Variants in ASIC2 observed in about 807,000 individuals in gnomAD.
ASIC2 encodes the protein acid sensing ion channel subunit 2, also known as acid-sensing ion channel 2.
A neutral mutation model predicts 57.3 loss-of-function variants in ASIC2; 25 were observed. The observed-to-expected ratio is 0.44, with a 90% CI of 0.32 to 0.61. The LOEUF (loss-of-function observed/expected upper bound fraction) is 0.61, where lower values mean the gene tolerates loss of function less well. Among genes scored for constraint, ASIC2 ranks in the 20% least tolerant of loss-of-function variants. The pLI is 0.06. For missense variants in ASIC2, 641 were observed against 738.1 expected, an observed-to-expected ratio of 0.87 and a Z score of 1.52; for synonymous variants, 319 against 307.5, an observed-to-expected ratio of 1.04 and a Z score of -0.39.
chr17:33,900,045 C>T (rs1915197266), intron 1 of ASIC2, among the ~76,000 whole-genome samples: 1 of 152,230 alleles, frequency 6.6e-6, no homozygotes, highest in Non-Finnish European at 1.5e-5. Context: ...AATGCTATCC[C>T]TTTCTCCATG....
intron 1 of ASIC2, among the ~76,000 whole-genome samples, chr17:33,220,078 A>C (rs1164043235): frequency 6.6e-6 from 1 of 152,204 alleles, no homozygotes; most frequent in African/African-American, 2.4e-5. Context: ...AACGTCTAAC[A>C]GTCCTGCTAA....
chr17:34,138,753 A>G (rs1388306429), intron 1 of ASIC2, among the ~76,000 whole-genome samples: 1 of 152,114 alleles, frequency 6.6e-6, no homozygotes, highest in East Asian at 1.9e-4. Context: ...GAGTCCTACC[A>G]ACCTTCGCTC....
intron 1 of ASIC2, among the ~76,000 whole-genome samples, chr17:33,804,076 A>G (rs924783005): frequency 2.6e-5 from 4 of 152,172 alleles, no homozygotes; most frequent in East Asian, 1.9e-4. Flanking sequence ...ACCTTTCCCT[A>G]TTTGAACACC....
intron 1 of ASIC2, among the ~76,000 whole-genome samples, chr17:33,309,672 C>A (rs2142203244): frequency 6.6e-6 from 1 of 152,170 alleles, no homozygotes. Flanking sequence ...GCAATACTGT[C>A]CACAAAGCTG....
At chr17:33,101,993 G>A (rs746068815) in intron 2 of ASIC2, among the ~76,000 whole-genome samples, 6 of 151,970 alleles carry the variant, frequency 3.9e-5, no homozygotes, top group Admixed American at 1.3e-4. Context: ...GACCCACAAG[G>A]GCCATCCCTT....
chr17:33,963,409 G>T (rs553516103), intron 1 of ASIC2, among the ~76,000 whole-genome samples: 7 of 152,260 alleles, frequency 4.6e-5, no homozygotes, highest in African/African-American at 1.7e-4. Flanking sequence ...CAGAGTAGGT[G>T]CTGATAATAT....
chr17:33,939,331 C>T (rs1267040789), intron 1 of ASIC2, among the ~76,000 whole-genome samples: 1 of 152,242 alleles, frequency 6.6e-6, no homozygotes, highest in Non-Finnish European at 1.5e-5. Context: ...CAAGGCAGTA[C>T]TGCCCATTGG....
chr17:33,602,446 A>G (rs1481318033), intron 1 of ASIC2, among the ~76,000 whole-genome samples: 1 of 152,168 alleles, frequency 6.6e-6, no homozygotes, highest in East Asian at 1.9e-4. Context: ...CATCCATGTG[A>G]TGCCTTCCAC....
At chr17:33,644,093 T>A (rs1342047744) in intron 1 of ASIC2, among the ~76,000 whole-genome samples, 3 of 152,224 alleles carry the variant, frequency 2.0e-5, no homozygotes, top group African/African-American at 7.2e-5. Context: ...CATGGCCAAG[T>A]CACCCTCTTG....
intron 1 of ASIC2, among the ~76,000 whole-genome samples, chr17:33,993,295 C>T (rs1381761087): frequency 2.0e-5 from 3 of 152,134 alleles, no homozygotes; most frequent in Non-Finnish European, 4.4e-5. Flanking sequence ...GTTTTTTTGG[C>T]ACATGTCCAG....
chr17:34,010,660 C>G (rs1483090302), intron 1 of ASIC2, among the ~76,000 whole-genome samples: 1 of 152,000 alleles, frequency 6.6e-6, no homozygotes, highest in Non-Finnish European at 1.5e-5. Flanking sequence ...AACAGACACC[C>G]ACCCACACAC....
intron 1 of ASIC2, among the ~76,000 whole-genome samples, chr17:33,906,773 T>G (rs1318447134): frequency 6.6e-6 from 1 of 152,186 alleles, no homozygotes; most frequent in African/African-American, 2.4e-5. Flanking sequence ...CTGACATCAG[T>G]TCTGTGGCTT....
intron 1 of ASIC2, among the ~76,000 whole-genome samples, chr17:33,575,680 T>C (rs933924973): frequency 2.0e-5 from 3 of 152,200 alleles, no homozygotes; most frequent in Non-Finnish European, 4.4e-5. Flanking sequence ...TCACAGGATA[T>C]GAATGGGGCT....
At chr17:34,110,412 C>G (rs533795811) in intron 1 of ASIC2, among the ~76,000 whole-genome samples, 2 of 152,320 alleles carry the variant, frequency 1.3e-5, no homozygotes, top group African/African-American at 4.8e-5. Flanking sequence ...TCTTCCTCGC[C>G]CTCTCTCTGC....
At chr17:33,456,411 TC>T (rs1567618480) in intron 1 of ASIC2, among the ~76,000 whole-genome samples, 1 of 151,782 alleles carries the variant, frequency 6.6e-6, no homozygotes, top group Non-Finnish European at 1.5e-5. Flanking sequence ...ACTATCCCCA[TC>T]CCCCCTTCAG....
At chr17:33,781,452 A>G (rs1911451480) in intron 1 of ASIC2, among the ~76,000 whole-genome samples, 1 of 152,142 alleles carries the variant, frequency 6.6e-6, no homozygotes, top group Non-Finnish European at 1.5e-5. Flanking sequence ...AGTGGGTGGG[A>G]TTGGGAGGCA....
intron 2 of ASIC2, among the ~76,000 whole-genome samples, chr17:33,097,392 G>A (rs2092186584): frequency 1.3e-5 from 2 of 152,184 alleles, no homozygotes; most frequent in Admixed American, 1.3e-4. Flanking sequence ...TCATTTTTCA[G>A]ATGAAGAAAC....
intron 1 of ASIC2, among the ~76,000 whole-genome samples, chr17:33,639,983 G>A (rs762945532): frequency 3.3e-5 from 5 of 152,092 alleles, no homozygotes; most frequent in Non-Finnish European, 7.3e-5. Context: ...ACTGTAACAG[G>A]GACAAGGATT....
chr17:33,871,243 C>T (rs1275761543), intron 1 of ASIC2, among the ~76,000 whole-genome samples: 1 of 152,180 alleles, frequency 6.6e-6, no homozygotes, highest in African/African-American at 2.4e-5. Context: ...AGAGGGTGGA[C>T]ATCACAGGGC....
Sources: allele counts gnomAD v4.1 joint callset (sites outside exome capture counted in the v4.1 genomes callset), GRCh38; gene constraint gnomAD v4.1.1; transcripts MANE v1.5; gene names NCBI Gene and HGNC (gene_info 2026-07-23, HGNC 2026-07-21).